AOAH: variants seen among roughly 807,000 people sequenced by gnomAD.
AOAH encodes the protein acyloxyacyl hydrolase (neutrophil).
AOAH carries 64 observed loss-of-function variants against 92.2 expected under a neutral mutation model. That is an observed-to-expected ratio of 0.69 (90% confidence interval 0.57 to 0.86). The LOEUF (loss-of-function observed/expected upper bound fraction) is 0.86. Ranked by LOEUF, AOAH falls within the 40% of genes least tolerant of loss-of-function variation. The pLI is 0.00. For synonymous variants in AOAH, 263 were observed against 254.5 expected, an observed-to-expected ratio of 1.03 and a Z score of -0.32; for missense variants, 656 against 694.6, an observed-to-expected ratio of 0.94 and a Z score of 0.62.
chr7:36,594,137 AT>A (rs1319072014), intron 12 of AOAH, among the ~76,000 whole-genome samples: 28 of 152,330 alleles, frequency 1.8e-4, no homozygotes, highest in African/African-American at 6.3e-4. Context: ...CACCCTGCCC[AT>A]AGCAGGAATA....
intron 16 of AOAH, among the ~76,000 whole-genome samples, chr7:36,535,156 CTGTG>C (rs1323942653): frequency 6.7e-6 from 1 of 149,390 alleles, no homozygotes; most frequent in Non-Finnish European, 1.5e-5. Flanking sequence ...GTGTCCGTGT[CTGTG>C]TGTGTGTGTT....
chr7:36,674,917 ATCTAT>A (rs1448625107), intron 2 of AOAH, among the ~76,000 whole-genome samples: 3 of 152,350 alleles, frequency 2.0e-5, no homozygotes, highest in East Asian at 3.9e-4. Flanking sequence ...ATTAAAATAG[ATCTAT>A]TCTATGACTT....
chr7:36,667,870 G>T (rs1389796475), intron 3 of AOAH, among the ~76,000 whole-genome samples: 1 of 152,088 alleles, frequency 6.6e-6, no homozygotes, highest in African/African-American at 2.4e-5. Flanking sequence ...TAACATGGCT[G>T]CTCTTTCTTT....
chr7:36,557,113 C>T (rs1221032409), intron 13 of AOAH, among the ~76,000 whole-genome samples: 1 of 152,168 alleles, frequency 6.6e-6, no homozygotes, highest in Non-Finnish European at 1.5e-5. Context: ...GATTTTGCAG[C>T]AGCTGGTACC....
chr7:36,683,290 T>G (rs767530512), intron 2 of AOAH, among the ~76,000 whole-genome samples: 47 of 152,226 alleles, frequency 3.1e-4, no homozygotes, highest in Non-Finnish European at 6.0e-4. Flanking sequence ...CTATGAGCCC[T>G]TCTGGAGGAA....
chr7:36,595,415 C>T lies in AOAH; in HGVS notation c.847-985G>A, dbSNP rs576060727. 3.9e-5 allele frequency among the ~76,000 whole-genome samples: 6 copies of T among 152,260 alleles called. No homozygotes were observed. The East Asian group carries it at 1.2e-3, about 29-fold the overall frequency. On this transcript the variant is annotated intron_variant, in intron 11 of 20. Transcript: ENST00000617537. Reference sequence around the variant, plus strand: ...AGGTATGATGGCATGTGCCTGTGGTCCCAGCTACATGGGAGGCTGAGACAG... The same window carrying T: ...AGGTATGATGGCATGTGCCTGTGGTTCCAGCTACATGGGAGGCTGAGACAG...
chr7:36,642,761 A>T (rs7796624), intron 4 of AOAH, among the ~76,000 whole-genome samples: 61,958 of 152,124 alleles, frequency 0.41, 13,729 homozygotes, highest in African/African-American at 0.58. Flanking sequence ...TGGTCAGATT[A>T]AACCATTTGG....
chr7:36,604,589 C>A (rs1433944821), intron 11 of AOAH, among the ~76,000 whole-genome samples: 3 of 152,178 alleles, frequency 2.0e-5, no homozygotes, highest in African/African-American at 7.2e-5. Context: ...CACCATCGTG[C>A]CAACTTCTCC....
At chr7:36,713,943 A>C (rs1798953108) in intron 1 of AOAH, among the ~76,000 whole-genome samples, 1 of 152,218 alleles carries the variant, frequency 6.6e-6, no homozygotes, top group South Asian at 2.1e-4. Context: ...AAACACATTC[A>C]AAAGCTAGCA....
At position 36,652,231 on chromosome 7, in the gene AOAH, C is replaced by T. The variant is rs73689514; in HGVS notation, c.390+6935G>A. ...ATAGGACAGAGGCATGTCAAAAGGA[C>T]ACAGGAGCCACCCTAAGCTTCCAAT... On this transcript the variant is annotated intron_variant, in intron 4 of 20. Transcript: ENST00000617537. Among the ~76,000 whole-genome samples, 361 of 150,972 alleles carry T rather than the reference C, an allele frequency of 2.4e-3. 3 individuals carry two copies. The highest frequency in any genetic ancestry group is 8.5e-3 in the African/African-American group (349 of 41,246).
At chr7:36,684,888 C>G (rs1489360520) in intron 2 of AOAH, among the ~76,000 whole-genome samples, 1 of 108,210 alleles carries the variant, frequency 9.2e-6, no homozygotes, top group Non-Finnish European at 1.7e-5. Context: ...CCCTGGGCGA[C>G]AGACTGAGAC....
At chr7:36,618,189 T>C in intron 10 of AOAH, 108 bp downstream of exon 10, 2 of 902,068 alleles carry the variant, frequency 2.2e-6, no homozygotes, top group South Asian at 2.9e-5. Context: ...ATAGAGTAAA[T>C]CCTAGCATCA....
chr7:36,557,985 C>T (rs1317852810), intron 13 of AOAH, among the ~76,000 whole-genome samples: 3 of 152,212 alleles, frequency 2.0e-5, no homozygotes, highest in African/African-American at 4.8e-5. Flanking sequence ...TCTCTCAACT[C>T]GTCAAAGTCA....
chr7:36,720,664 C>T (rs1410170323), intron 1 of AOAH, among the ~76,000 whole-genome samples: 7 of 152,060 alleles, frequency 4.6e-5, no homozygotes, highest in Non-Finnish European at 7.4e-5. Context: ...CACTAAGGGC[C>T]CAGTTCAACA....
intron 11 of AOAH, among the ~76,000 whole-genome samples, chr7:36,613,337 G>A (rs1356118864): frequency 6.6e-6 from 1 of 152,106 alleles, no homozygotes; most frequent in Non-Finnish European, 1.5e-5. Context: ...TTGTTGGGCA[G>A]GATGATTCCA....
intron 11 of AOAH, among the ~76,000 whole-genome samples, chr7:36,610,957 G>A (rs879089334): frequency 2.6e-5 from 4 of 152,200 alleles, no homozygotes; most frequent in Admixed American, 2.0e-4. Context: ...GCTGATCCCA[G>A]ACCACCCCGG....
intron 13 of AOAH, among the ~76,000 whole-genome samples, chr7:36,553,656 CTGACTTTTTAA>C (rs1214328629): frequency 2.0e-5 from 3 of 151,972 alleles, no homozygotes; most frequent in Non-Finnish European, 4.4e-5. Flanking sequence ...CTGTTGTTTC[CTGACTTTTTAA>C]TGATCGCCAT....
intron 1 of AOAH, among the ~76,000 whole-genome samples, chr7:36,716,469 CTG>C (rs1473013485): frequency 6.7e-6 from 1 of 149,492 alleles, no homozygotes; most frequent in Non-Finnish European, 1.5e-5. Flanking sequence ...CATCCCATTA[CTG>C]GGTATACATC....
intron 13 of AOAH, among the ~76,000 whole-genome samples, chr7:36,575,011 A>ATTTT (rs10652764): frequency 2.0e-5 from 3 of 150,106 alleles, no homozygotes; most frequent in African/African-American, 7.4e-5. Context: ...CTCACAGATG[A>ATTTT]TTTTTTTTTT....
Sources: gnomAD v4.1 joint callset for allele counts (sites outside exome capture counted in the v4.1 genomes callset) on GRCh38, gnomAD v4.1.1 for gene constraint, MANE v1.5 for transcripts, NCBI Gene and HGNC (gene_info 2026-07-23, HGNC 2026-07-21) for gene names.